METTL14: variants seen among roughly 807,000 people sequenced by gnomAD.
The protein encoded by METTL14 is methyltransferase 14, N6-adenosine-methyltransferase non-catalytic subunit.
In METTL14, 32 loss-of-function variants were observed where a neutral mutation model predicts 62.4. The ratio of observed to expected loss-of-function variants is 0.51; its 90% CI spans 0.39 to 0.69. The LOEUF is 0.69. Among genes scored for constraint, METTL14 ranks in the 30% least tolerant of loss-of-function variants. The pLI is 0.00. For synonymous variants in METTL14, 150 were observed against 180.0 expected (o/e 0.83, Z 1.34); for missense variants, 340 against 551.9 (o/e 0.62, Z 3.85).
chr4:118,705,376 G>C (rs921287900), intron 9 of METTL14, among the ~76,000 whole-genome samples: 4 of 152,152 alleles, frequency 2.6e-5, no homozygotes, highest in Admixed American at 2.6e-4. Context: ...TTGGGAGGCT[G>C]AGGCGGGGGA....
intron 8 of METTL14, among the ~76,000 whole-genome samples, chr4:118,700,980 T>C (rs1228572766): frequency 6.6e-6 from 1 of 152,048 alleles, no homozygotes; most frequent in Non-Finnish European, 1.5e-5. Context: ...TAAAAAGTGT[T>C]CTATGAGTAG....
At position 118,705,816 on chromosome 4, in the gene METTL14, G is replaced by T; in HGVS notation, c.1061G>T (p.Arg354Leu). Reference protein sequence around the residue: ...LHLFGRDSTIRPGWLTVGPTL... With the variant: ...LHLFGRDSTILPGWLTVGPTL... The stretch of plus-strand genomic sequence containing the variant: ...CTATTTGGAAGAGATAGTACAATTC[G>T]ACCAGGTAGGACCTCAGTTAACAAC... The change falls in exon 10 of 11, where the codon CGA becomes CTA. Residue 354 changes from arginine to leucine, a missense_variant. Arg to Leu is a moderately radical substitution (Grantham distance 102, BLOSUM62 -2). Around this residue, in one of 7 missense-constraint regions of METTL14, gnomAD observed 62 missense variants for 82.3 expected, o/e 0.75. Coordinates refer to ENST00000388822, the MANE Select transcript of METTL14 (RefSeq NM_020961.4). The T allele has an allele frequency of 1.9e-6, 3 of 1,609,360 alleles. No homozygotes were observed. In the South Asian group the frequency reaches 3.3e-5, roughly 18 times the overall value.
chr4:118,701,394 C>T (rs1724585232), intron 8 of METTL14, among the ~76,000 whole-genome samples: 1 of 151,908 alleles, frequency 6.6e-6, no homozygotes. Flanking sequence ...TTATGTTGCC[C>T]AGGCTGGCCC....
chr4:118,694,608 C>A lies in METTL14; in HGVS notation c.503+82C>A, dbSNP rs761126335. The A allele has an allele frequency of 6.5e-5, 67 of 1,029,088 alleles. No homozygotes were observed. In the African/African-American group the frequency reaches 9.0e-4, roughly 14 times the overall value. 63.7% of individuals were successfully genotyped at this position (1,029,088 alleles called of 1,614,324 possible). On this transcript the variant is annotated intron_variant, in intron 6 of 10. Coordinates refer to ENST00000388822, the MANE Select transcript of METTL14 (RefSeq NM_020961.4). ...TGTTTATCCTATAACCTTTTTTCTT[C>A]TTCCTAAATTCAGCACTTATGTTAA...
At chr4:118,702,919 A>G (rs1355967872) in intron 8 of METTL14, among the ~76,000 whole-genome samples, 1 of 147,334 alleles carries the variant, frequency 6.8e-6, no homozygotes, top group Non-Finnish European at 1.5e-5. Context: ...TGTGGTGGAA[A>G]GGAAGCTTGT....
intron 7 of METTL14, among the ~76,000 whole-genome samples, chr4:118,697,556 G>A (rs773431099): frequency 2.0e-5 from 3 of 152,138 alleles, no homozygotes; most frequent in Non-Finnish European, 4.4e-5. Flanking sequence ...TGAATAGGCT[G>A]TAGAAGACTT....
intron 8 of METTL14, among the ~76,000 whole-genome samples, chr4:118,701,183 G>GTTTTTTTTTTTTTTTTTTTTT (rs373953605): frequency 3.0e-5 from 4 of 132,250 alleles, no homozygotes; most frequent in Non-Finnish European, 5.0e-5. Context: ...GTTTTTTTTT[G>GTTTTTTTTTTTTTTTTTTTTT]TTTTTTTTTG....
At chr4:118,686,573 G>A (rs1341600679) in intron 1 of METTL14, 3 of 455,986 alleles carry the variant, frequency 6.6e-6, no homozygotes, top group Admixed American at 2.4e-5. Context: ...GGCTAAAACC[G>A]TGGAAACTTG....
chr4:118,691,665 C>G (rs1344259954), intron 4 of METTL14, 53 bp downstream of exon 4: 1 of 875,294 alleles, frequency 1.1e-6, no homozygotes, highest in Non-Finnish European at 1.7e-6. Flanking sequence ...AGTTCTATAC[C>G]TGAAAAGATT....
chr4:118,699,728 A>G (rs1484572212), intron 7 of METTL14, among the ~76,000 whole-genome samples: 2 of 152,178 alleles, frequency 1.3e-5, no homozygotes, highest in African/African-American at 4.8e-5. Flanking sequence ...AAAATAAAGA[A>G]ATTCTATTTT....
intron 8 of METTL14, among the ~76,000 whole-genome samples, chr4:118,703,706 A>G (rs1293216704): frequency 6.6e-6 from 1 of 152,200 alleles, no homozygotes; most frequent in Non-Finnish European, 1.5e-5. Flanking sequence ...ATATTTAACT[A>G]TATATATGAC....
At chr4:118,692,793 C>T (rs948703357) in intron 5 of METTL14, among the ~76,000 whole-genome samples, 2 of 152,120 alleles carry the variant, frequency 1.3e-5, no homozygotes, top group African/African-American at 4.8e-5. Context: ...TAAGGAAGCC[C>T]TGTACCCATT....
chr4:118,691,682 A>T, intron 4 of METTL14, 70 bp downstream of exon 4: 3 of 735,438 alleles, frequency 4.1e-6, no homozygotes, highest in Non-Finnish European at 6.5e-6. Context: ...GATTTTAAAT[A>T]CCTGTTTGTC....
intron 7 of METTL14, among the ~76,000 whole-genome samples, chr4:118,699,323 G>A (rs538105467): frequency 2.0e-4 from 30 of 152,160 alleles, no homozygotes; most frequent in African/African-American, 7.2e-4. Context: ...CTCCTATAAT[G>A]TAAAAGTTTT....
At chr4:118,687,880 T>C in intron 1 of METTL14, 43 bp from the exon 2 acceptor site, 1 of 1,536,032 alleles carries the variant, frequency 6.5e-7, no homozygotes, top group African/African-American at 1.4e-5. Flanking sequence ...AGAAAGGCTA[T>C]CCAGTGCATT....
At chr4:118,700,200 C>T (rs908917686) in intron 7 of METTL14, among the ~76,000 whole-genome samples, 1 of 152,012 alleles carries the variant, frequency 6.6e-6, no homozygotes, top group African/African-American at 2.4e-5. Context: ...TAGTTAAGTG[C>T]TTCATTCTTT....
chr4:118,701,474 C>A (rs1724588399), intron 8 of METTL14, among the ~76,000 whole-genome samples: 1 of 152,114 alleles, frequency 6.6e-6, no homozygotes, highest in African/African-American at 2.4e-5. Context: ...GCATGAGCCA[C>A]CACCCCTGGC....
Position 118,687,956 on chromosome 4 carries a change from G to C in METTL14, c.100G>C (p.Val34Leu). ...GAESADSIGA[V>L]LNSKDEQREI... ...TGAAAGTGCCGACAGCATTGGTGCCGTGTTAAATAGCAAAGATGAGCAGAG... is the reference window on the plus strand; with the variant it reads ...TGAAAGTGCCGACAGCATTGGTGCCCTGTTAAATAGCAAAGATGAGCAGAG... Residue 34 changes from valine (V) to leucine (L), a missense_variant, in exon 2 of 11, where the codon GTG becomes CTG. Val to Leu is a conservative substitution (Grantham distance 32). Coordinates refer to ENST00000388822, the MANE Select transcript of METTL14 (RefSeq NM_020961.4). 1.2e-6 allele frequency: 2 copies of C among 1,613,614 alleles called. No homozygotes were observed. Among genetic ancestry groups the C allele is most frequent in the Non-Finnish European group, 1.7e-6 (2 of 1,179,896 alleles).
chr4:118,705,318 T>A (rs1026110584), intron 9 of METTL14, among the ~76,000 whole-genome samples: 3 of 152,060 alleles, frequency 2.0e-5, no homozygotes, highest in Non-Finnish European at 2.9e-5. Flanking sequence ...TTACAAAAAA[T>A]TTAAAAATCA....
Sources: gnomAD v4.1 joint callset for allele counts (sites outside exome capture counted in the v4.1 genomes callset) on GRCh38, gnomAD v4.1.1 for gene constraint, gnomAD v4.1.1 regional missense constraint, MANE v1.5 for transcripts, NCBI Gene and HGNC (gene_info 2026-07-23, HGNC 2026-07-21) for gene names.